The following PCDHA9 variants were observed in gnomAD, a reference collection of about 807,000 sequenced individuals.
PCDHA9 encodes protocadherin alpha-9.
In PCDHA9, 62 loss-of-function variants were observed where a neutral mutation model predicts 62.0. That is an observed-to-expected ratio of 1.00 (90% CI 0.81 to 1.23). PCDHA9 has a LOEUF of 1.23. Ranked by LOEUF, PCDHA9 falls within the 50% of genes most tolerant of loss-of-function variation. The pLI, the probability that PCDHA9 is intolerant of heterozygous loss-of-function variation, is 0.00. For synonymous variants in PCDHA9, 557 were observed against 567.6 expected (o/e 0.98, Z 0.27); for missense variants, 1,205 against 1,249.8 (o/e 0.96, Z 0.54).
intron 1 of PCDHA9, among the ~76,000 whole-genome samples, chr5:140,894,564 T>C (rs1554186142): frequency 6.6e-6 from 1 of 151,978 alleles, no homozygotes; most frequent in Non-Finnish European, 1.5e-5. Context: ...GAAAAAATTA[T>C]TTTCCTTTTT....
At chr5:140,973,489 G>T (rs1554235344) in intron 1 of PCDHA9, among the ~76,000 whole-genome samples, 2 of 152,096 alleles carry the variant, frequency 1.3e-5, no homozygotes, top group African/African-American at 4.8e-5. Flanking sequence ...TTGGTCACAG[G>T]ACTCTTCTTC....
intron 1 of PCDHA9, chr5:140,881,460 G>T: frequency 1.6e-6 from 1 of 637,280 alleles, no homozygotes; most frequent in Non-Finnish European, 2.0e-6. Flanking sequence ...AAACCTTAGA[G>T]CATTGTTGTG....
intron 1 of PCDHA9, chr5:140,926,614 C>A (rs2083406581): frequency 5.3e-6 from 2 of 377,642 alleles, no homozygotes; most frequent in Admixed American, 4.4e-5. Context: ...TCTCTGCACC[C>A]CTAGGCGGCG....
chr5:140,857,804 G>A, intron 1 of PCDHA9: 1 of 1,597,858 alleles, frequency 6.3e-7, no homozygotes, highest in Non-Finnish European at 8.6e-7. Context: ...GTCGGTGGTT[G>A]CGGGTCACGT....
chr5:140,868,379 T>C (rs1554161939), intron 1 of PCDHA9: 1 of 152,086 alleles, frequency 6.6e-6, no homozygotes, highest in Non-Finnish European at 1.5e-5. Context: ...CAGTAAAGAA[T>C]GAGAACTATA....
At chr5:140,924,902 A>AT (rs1563068435) in intron 1 of PCDHA9, among the ~76,000 whole-genome samples, 2 of 39,026 alleles carry the variant, frequency 5.1e-5, no homozygotes, top group Non-Finnish European at 1.3e-4. Context: ...CTCAAAAAAA[A>AT]AAATAAAATA....
chr5:140,913,965 A>G (rs1228834396), intron 1 of PCDHA9, among the ~76,000 whole-genome samples: 7 of 152,300 alleles, frequency 4.6e-5, no homozygotes, highest in Admixed American at 2.6e-4. Flanking sequence ...ATTTTTAAAA[A>G]AATATTTTAG....
intron 1 of PCDHA9, among the ~76,000 whole-genome samples, chr5:140,963,103 G>A (rs2095737477): frequency 1.3e-5 from 2 of 151,910 alleles, no homozygotes; most frequent in South Asian, 4.1e-4. Flanking sequence ...CTGCTTTCAG[G>A]TTGCTTATAA....
Position 140,946,525 on chromosome 5 carries a change from A to G in PCDHA9, c.2395-32424A>G, listed in dbSNP as rs115610574. On this transcript the variant is annotated intron_variant, in intron 1 of 3. Transcript: ENST00000532602. ...ATGTCAAAGACCTATCCGCACTCCC[A>G]TGTTCATTGCAGCATTATTCATGAT... 6.9e-3 allele frequency among the ~76,000 whole-genome samples: 1,050 copies of G among 151,290 alleles called. 19 individuals carry two copies. The highest frequency in any genetic ancestry group is 0.024 in the African/African-American group (983 of 41,050).
chr5:140,879,027 G>C (rs2057822967), intron 1 of PCDHA9, among the ~76,000 whole-genome samples: 1 of 152,184 alleles, frequency 6.6e-6, no homozygotes, highest in African/African-American at 2.4e-5. Context: ...TTTTATTGAA[G>C]AGTGTCTTGA....
intron 1 of PCDHA9, chr5:140,869,446 C>A (rs2051137912): frequency 1.2e-6 from 2 of 1,614,070 alleles, no homozygotes; most frequent in Admixed American, 1.7e-5. Context: ...CAGGCCGCTG[C>A]AGGTTTTCCA....
chr5:140,884,101 G>T lies in PCDHA9; in HGVS notation c.2394+33212G>T, dbSNP rs782222820. 6 of 1,613,486 alleles carry T rather than the reference G, an allele frequency of 3.7e-6. No individual in the cohort carries two copies. The highest frequency in any genetic ancestry group is 3.3e-4 in the Middle Eastern group (2 of 6,042). On this transcript the variant is annotated intron_variant, in intron 1 of 3. Coordinates refer to ENST00000532602, the MANE Select transcript of PCDHA9 (RefSeq NM_031857.2). ...ACAATGCGTGGCTTTCGTATGAATT[G>T]CAGCTGGCGGCGGTCGGCGCGCGCA...
At chr5:140,962,585 T>C (rs2095694248) in intron 1 of PCDHA9, among the ~76,000 whole-genome samples, 1 of 152,216 alleles carries the variant, frequency 6.6e-6, no homozygotes, top group South Asian at 2.1e-4. Flanking sequence ...ATGCCAAATA[T>C]TTGACTGATA....
At chr5:141,000,429 T>A (rs1327595966) in intron 3 of PCDHA9, among the ~76,000 whole-genome samples, 40 of 124,862 alleles carry the variant, frequency 3.2e-4, no homozygotes, top group African/African-American at 1.1e-3. Flanking sequence ...ATATTTTTTT[T>A]TTTTTTTTTT....
chr5:140,969,325 A>G (rs1490022353), intron 1 of PCDHA9: 1 of 1,614,000 alleles, frequency 6.2e-7, no homozygotes, highest in Non-Finnish European at 8.5e-7. Context: ...CTGTTTCTCA[A>G]AATGAGGTGA....
chr5:140,896,404 G>T (rs1003824556), intron 1 of PCDHA9, among the ~76,000 whole-genome samples: 4 of 151,996 alleles, frequency 2.6e-5, no homozygotes, highest in Admixed American at 2.6e-4. Context: ...TGTTATTTTT[G>T]ACTTTTTAGT....
intron 1 of PCDHA9, among the ~76,000 whole-genome samples, chr5:140,886,142 TA>T (rs1473876165): frequency 6.6e-6 from 1 of 152,180 alleles, no homozygotes; most frequent in African/African-American, 2.4e-5. Flanking sequence ...AGATTCTTGA[TA>T]TCACCTTTTT....
At chr5:140,968,341 C>T in intron 1 of PCDHA9, 1 of 1,614,132 alleles carries the variant, frequency 6.2e-7, no homozygotes, top group Non-Finnish European at 8.5e-7. Context: ...TCTCCATTAA[C>T]AGTGCCAGTG....
chr5:140,858,585 T>C, intron 1 of PCDHA9: 1 of 1,345,266 alleles, frequency 7.4e-7, no homozygotes, highest in Non-Finnish European at 1.0e-6. Context: ...GTAATATAAT[T>C]TATTCCAGGA....
Sources: allele counts gnomAD v4.1 joint callset (sites outside exome capture counted in the v4.1 genomes callset), GRCh38; gene constraint gnomAD v4.1.1; transcripts MANE v1.5; gene names NCBI Gene and HGNC (gene_info 2026-07-23, HGNC 2026-07-21).